Variants in ZNF846 observed in about 807,000 individuals in gnomAD.
The protein encoded by ZNF846 is zinc finger protein 420 pseudogene.
ZNF846 carries 15 observed loss-of-function variants against 16.0 expected under a neutral mutation model. The observed-to-expected ratio is 0.94, with a 90% confidence interval of 0.63 to 1.45. ZNF846 has a LOEUF of 1.45. Ranked by LOEUF, ZNF846 falls within the 40% of genes most tolerant of loss-of-function variation. The probability of loss-of-function intolerance (pLI) is 0.00; values close to 1 mark genes in which losing one functional copy is unlikely to be tolerated. For missense variants in ZNF846, 714 were observed against 622.3 expected (o/e 1.15, Z -1.57); for synonymous variants, 229 against 212.0 (o/e 1.08, Z -0.70).
At chr19:9,752,619 A>G (rs905129674), downstream of ZNF846, among the ~76,000 whole-genome samples, 1 of 146,968 alleles carries the variant, frequency 6.8e-6, no homozygotes, top group Non-Finnish European at 1.5e-5. Flanking sequence ...CATCCCAAAA[A>G]AAAAAAAAAA....
At chr19:9,775,577 A>C (rs1006111368) in intron 1 of ZNF846, among the ~76,000 whole-genome samples, 2 of 152,222 alleles carry the variant, frequency 1.3e-5, no homozygotes, top group African/African-American at 4.8e-5. Context: ...ACAAAATTAC[A>C]TGGATAACTC....
At chr19:9,753,702 AT>A (rs1284414375), downstream of ZNF846, among the ~76,000 whole-genome samples, 2 of 151,796 alleles carry the variant, frequency 1.3e-5, no homozygotes, top group African/African-American at 4.9e-5. Context: ...TTACAATAAA[AT>A]GTATTTGTGA....
chr19:9,756,345 G>GTGTGTATGTATA (rs1321690890), downstream of ZNF846: 1 of 81,776 alleles, frequency 1.2e-5, no homozygotes, highest in African/African-American at 6.1e-5. Context: ...GTGTGTGTGT[G>GTGTGTATGTATA]TATATATATA....
At chr19:9,765,469 G>A (rs1177481464) in intron 1 of ZNF846, among the ~76,000 whole-genome samples, 2 of 152,066 alleles carry the variant, frequency 1.3e-5, no homozygotes, top group South Asian at 2.1e-4. Context: ...TTAGGAGATC[G>A]AGACCATCCT....
intron 1 of ZNF846, chr19:9,774,502 G>A (rs1037665947): frequency 7.5e-6 from 8 of 1,069,904 alleles, no homozygotes; most frequent in Middle Eastern, 2.2e-4. Flanking sequence ...CCAAGATGGC[G>A]GCCAGCAGGA....
At chr19:9,763,212 A>C (rs945125288) in intron 3 of ZNF846, 70 bp downstream of exon 3, 5 of 1,438,910 alleles carry the variant, frequency 3.5e-6, no homozygotes, top group Non-Finnish European at 4.6e-6. Context: ...CAGTACCCTC[A>C]TTTGACAGCA....
exon 1 of ZNF846, chr19:9,785,979 G>T (rs542379411): frequency 6.6e-6 from 1 of 150,578 alleles, no homozygotes; most frequent in Non-Finnish European, 1.5e-5. Context: ...TTGGGCCAGC[G>T]GCGGCTAAAG....
At chr19:9,774,366 G>A in intron 1 of ZNF846, 2 of 500,144 alleles carry the variant, frequency 4.0e-6, no homozygotes, top group South Asian at 4.2e-5. Flanking sequence ...TACTCGGGAG[G>A]CTGAGGCAGG....
downstream of ZNF846, among the ~76,000 whole-genome samples, chr19:9,754,350 A>G (rs1175328966): frequency 6.6e-6 from 1 of 151,304 alleles, no homozygotes; most frequent in African/African-American, 2.5e-5. Flanking sequence ...AGATCACCTG[A>G]AGTCAGGAGT....
intron 5 of ZNF846, among the ~76,000 whole-genome samples, chr19:9,759,061 C>T (rs1010089656): frequency 4.6e-5 from 7 of 151,706 alleles, no homozygotes; most frequent in South Asian, 4.1e-4. Flanking sequence ...TGCAGTGGCA[C>T]GATCTTGACT....
downstream of ZNF846, among the ~76,000 whole-genome samples, chr19:9,753,219 A>AACTT (rs1555710853): frequency 7.4e-6 from 1 of 134,512 alleles, no homozygotes; most frequent in Non-Finnish European, 1.6e-5. Context: ...GAGGAGACAA[A>AACTT]ATTTATTTAT....
chr19:9,767,130 T>TTTTATTTA (rs754500060), intron 1 of ZNF846, among the ~76,000 whole-genome samples: 4 of 151,298 alleles, frequency 2.6e-5, no homozygotes, highest in Non-Finnish European at 4.4e-5. Context: ...CCCGGCCTAG[T>TTTTATTTA]TTTATTTATT....
At chr19:9,762,018 T>C (rs529860526) in intron 4 of ZNF846, 64 bp downstream of exon 4, 4 of 1,360,006 alleles carry the variant, frequency 2.9e-6, no homozygotes, top group African/African-American at 1.4e-5. Flanking sequence ...ACATTTCCAA[T>C]GTACTGCATG....
chr19:9,776,899 C>T (rs550688581), intron 1 of ZNF846, among the ~76,000 whole-genome samples: 64 of 151,932 alleles, frequency 4.2e-4, no homozygotes, highest in Non-Finnish European at 8.2e-4. Flanking sequence ...GGTGAAGTTG[C>T]TTAGCAGCCT....
chr19:9,750,460 T>C (rs1411625040), downstream of ZNF846, among the ~76,000 whole-genome samples: 1 of 152,144 alleles, frequency 6.6e-6, no homozygotes, highest in Non-Finnish European at 1.5e-5. Context: ...GGACCCCTCT[T>C]TCACTACACC....
intron 1 of ZNF846, among the ~76,000 whole-genome samples, chr19:9,781,428 C>T (rs1391906474): frequency 6.6e-6 from 1 of 152,126 alleles, no homozygotes; most frequent in Non-Finnish European, 1.5e-5. Flanking sequence ...GTCCCACCCA[C>T]TGTTAGGTGC....
rs1292387967 is a variant in ZNF846, at chr19:9,758,206, A to G, written c.871T>C (p.Phe291Leu). The change falls in exon 6 of 6, where the codon TTC becomes CTC. Residue 291 changes from phenylalanine to leucine, a missense_variant. Physicochemically the swap from Phe to Leu is conservative, Grantham distance 22 (BLOSUM62 0). Coordinates refer to ENST00000397902, the Ensembl canonical transcript of ZNF846. Reference sequence around the variant, plus strand: ...TCAGTAAGGTATGAAGAATGGGTGAAGGCTTTCCCACACTCTTTACATTTA... The same window carrying G: ...TCAGTAAGGTATGAAGAATGGGTGAGGGCTTTCCCACACTCTTTACATTTA... The G allele has an allele frequency of 6.2e-7, 1 of 1,613,122 alleles. No individual in the cohort carries two copies. The highest frequency in any genetic ancestry group is 1.7e-5 in the Admixed American group (1 of 59,980).
chr19:9,757,319 T>G (rs1051899515), downstream of ZNF846, among the ~76,000 whole-genome samples: 1 of 151,864 alleles, frequency 6.6e-6, no homozygotes, highest in African/African-American at 2.4e-5. Context: ...TTACTACTCT[T>G]GCCTATTCCT....
chr19:9,770,480 C>CT (rs565850988), upstream of ZNF846, among the ~76,000 whole-genome samples: 26,546 of 130,014 alleles, frequency 0.2, 3,443 homozygotes, highest in African/African-American at 0.4. Context: ...TGGGTTTTCT[C>CT]TTTTTTTTTT....
Sources: allele counts gnomAD v4.1 joint callset (sites outside exome capture counted in the v4.1 genomes callset), GRCh38; gene constraint gnomAD v4.1.1; transcripts MANE v1.5; gene names NCBI Gene and HGNC (gene_info 2026-07-23, HGNC 2026-07-21).